CAMK2B: variants seen among roughly 807,000 people sequenced by gnomAD.
The protein encoded by CAMK2B is calcium/calmodulin-dependent protein kinase type II subunit beta.
Under a neutral mutation model 93.7 loss-of-function variants are expected in CAMK2B, and 27 were observed. The ratio of observed to expected loss-of-function variants is 0.29; its 90% CI spans 0.21 to 0.40. CAMK2B has a LOEUF of 0.40. Ranked by LOEUF, CAMK2B falls within the 10% of genes least tolerant of loss-of-function variation. The probability of loss-of-function intolerance (pLI) is 1.00; values close to 1 mark genes in which losing one functional copy is unlikely to be tolerated. For synonymous variants in CAMK2B, 374 were observed against 358.8 expected (o/e 1.04, Z -0.48); for missense variants, 568 against 895.8 (o/e 0.63, Z 4.67).
At chr7:44,305,775 G>A (rs530675334) in intron 1 of CAMK2B, among the ~76,000 whole-genome samples, 2 of 152,212 alleles carry the variant, frequency 1.3e-5, no homozygotes, top group Admixed American at 1.3e-4. Context: ...ACTCGGTCAC[G>A]CTGGCTGGGC....
intron 1 of CAMK2B, among the ~76,000 whole-genome samples, chr7:44,301,030 G>A (rs1789855599): frequency 6.6e-6 from 1 of 152,012 alleles, no homozygotes; most frequent in Admixed American, 6.5e-5. Flanking sequence ...ATGACACACA[G>A]ACAAAAGAAA....
chr7:44,252,526 G>T (rs1234498401), intron 5 of CAMK2B, among the ~76,000 whole-genome samples: 2 of 135,568 alleles, frequency 1.5e-5, no homozygotes, highest in Non-Finnish European at 3.2e-5. Flanking sequence ...CTGTGATGGG[G>T]CACGGGCAGG....
At position 44,312,198 on chromosome 7, in the gene CAMK2B, C is replaced by T. The variant is rs1793733266; in HGVS notation, c.65+13159G>A. Among the ~76,000 whole-genome samples the T allele has an allele frequency of 6.6e-6, 1 of 152,136 alleles. No homozygotes were observed. Among genetic ancestry groups the T allele is most frequent in the South Asian group, 2.1e-4 (1 of 4,832 alleles). Reference sequence around the variant, plus strand: ...ACTCCAGAGCCTCCATCCTTGGTGCCAGAAAGTGGAGGTGAGTGGAATTTA... The same window carrying T: ...ACTCCAGAGCCTCCATCCTTGGTGCTAGAAAGTGGAGGTGAGTGGAATTTA... On this transcript the variant is annotated intron_variant, in intron 1 of 23. Transcript: ENST00000395749. This position sits in a 1 kb window ranked among gnomAD's most constrained non-coding sequence, Gnocchi z 4.1.
chr7:44,292,697 C>T (rs912642556), intron 1 of CAMK2B, among the ~76,000 whole-genome samples: 2 of 152,102 alleles, frequency 1.3e-5, no homozygotes, highest in Non-Finnish European at 2.9e-5. Context: ...CCTATTTGAC[C>T]ATAGAAATCT....
intron 19 of CAMK2B, among the ~76,000 whole-genome samples, chr7:44,227,877 A>G (rs1232039954): frequency 2.2e-5 from 2 of 91,242 alleles, no homozygotes; most frequent in Admixed American, 2.6e-4. Flanking sequence ...AATTTGGGGG[A>G]CAGAGGGGGA....
At position 44,256,802 on chromosome 7, in the gene CAMK2B, C is replaced by T. The variant is rs1214057949; in HGVS notation, c.275+2070G>A. ...TGGTGTGCTCTGTGTGCTCAGGAAGCTGTAGTTTGGGCTGGTGGGCACCTG... is the reference window on the plus strand; with the variant it reads ...TGGTGTGCTCTGTGTGCTCAGGAAGTTGTAGTTTGGGCTGGTGGGCACCTG... On this transcript the variant is annotated intron_variant, in intron 4 of 23. Transcript: ENST00000395749. Among the ~76,000 whole-genome samples the T allele has an allele frequency of 2.0e-5, 3 of 152,182 alleles. No homozygotes were observed. In the East Asian group the frequency reaches 5.8e-4, roughly 29 times the overall value.
chr7:44,273,310 T>C (rs1245256484), intron 2 of CAMK2B, among the ~76,000 whole-genome samples: 1 of 152,102 alleles, frequency 6.6e-6, no homozygotes. Context: ...GCTCTGAGTA[T>C]ATGTGACAAT....
chr7:44,236,240 A>G (rs922830744), intron 13 of CAMK2B, among the ~76,000 whole-genome samples: 5 of 152,126 alleles, frequency 3.3e-5, no homozygotes, highest in African/African-American at 1.2e-4. Context: ...TGCCTCCTCC[A>G]TGGCTCTGGC....
intron 3 of CAMK2B, among the ~76,000 whole-genome samples, chr7:44,261,361 C>T (rs1209794736): frequency 6.6e-6 from 1 of 152,256 alleles, no homozygotes; most frequent in East Asian, 1.9e-4. Context: ...GAGATGCCCC[C>T]CGCAGAACCC....
chr7:44,220,911 G>A lies in CAMK2B; in HGVS notation c.1598-10C>T. On this transcript the variant is annotated splice_polypyrimidine_tract_variant and intron_variant, in intron 20 of 23. Coordinates refer to ENST00000395749, the MANE Select transcript of CAMK2B (RefSeq NM_001220.5). ...ATCTCCTGCTTCCGGGCTGTGGGGAGACATGGCCAGGTGACCACTGGGCGC... is the reference window on the plus strand; with the variant it reads ...ATCTCCTGCTTCCGGGCTGTGGGGAAACATGGCCAGGTGACCACTGGGCGC... 6.4e-7 allele frequency: 1 copy of A among 1,558,242 alleles called. No individual in the cohort carries two copies. Among genetic ancestry groups the A allele is most frequent in the Non-Finnish European group, 8.7e-7 (1 of 1,150,276 alleles).
At chr7:44,232,282 G>A (rs1329070375) in intron 16 of CAMK2B, among the ~76,000 whole-genome samples, 1 of 152,174 alleles carries the variant, frequency 6.6e-6, no homozygotes, top group Non-Finnish European at 1.5e-5. Context: ...TGTTTTGGAA[G>A]TCCTGGAAAT....
intron 2 of CAMK2B, 42 bp downstream of exon 2, chr7:44,284,089 C>T: frequency 2.0e-6 from 3 of 1,486,806 alleles, no homozygotes; most frequent in African/African-American, 1.4e-5. Flanking sequence ...AGCCCCTGCC[C>T]CAGCCTGACA....
chr7:44,228,669 G>A (rs1406970283), intron 19 of CAMK2B, 127 bp downstream of exon 19: 2 of 875,410 alleles, frequency 2.3e-6, no homozygotes, highest in Non-Finnish European at 3.2e-6. Context: ...GCCAGGGCAG[G>A]ACTCCAGGCT....
intron 4 of CAMK2B, among the ~76,000 whole-genome samples, chr7:44,255,929 A>G (rs994677321): frequency 2.4e-4 from 36 of 152,182 alleles, no homozygotes; most frequent in African/African-American, 7.7e-4. Flanking sequence ...CTGGGAAGAC[A>G]CCCAAGTCCC....
chr7:44,254,689 CCAT>C (rs926422587), intron 4 of CAMK2B, 82 bp from the exon 5 acceptor site: 5 of 870,584 alleles, frequency 5.7e-6, no homozygotes, highest in African/African-American at 5.1e-5. Flanking sequence ...ACCACCACCA[CCAT>C]CACCACTATC....
chr7:44,243,627 G>T, intron 6 of CAMK2B, 100 bp from the exon 7 acceptor site: 1 of 898,018 alleles, frequency 1.1e-6, no homozygotes, highest in Non-Finnish European at 1.8e-6. Flanking sequence ...ACAGTGGTTT[G>T]CAAGAGACAG....
In CAMK2B at chr7:44,225,258, G is replaced by A. The variant is rs2096460961; in HGVS notation, c.1597+1258C>T. 6.6e-6 allele frequency among the ~76,000 whole-genome samples: 1 copy of A among 152,138 alleles called. No homozygotes were observed. Among genetic ancestry groups the A allele is most frequent in the Non-Finnish European group, 1.5e-5 (1 of 68,012 alleles). ...GGTGACCTTCCAGGCAGGCTCCTTT[G>A]GGCACACCCCTCCACTTCTGCAAGG... On this transcript the variant is annotated intron_variant, in intron 20 of 23. Coordinates refer to ENST00000395749, the MANE Select transcript of CAMK2B (RefSeq NM_001220.5). The surrounding 1 kb of genome is among the most constrained non-coding windows in gnomAD (Gnocchi z 5.0).
At chr7:44,235,936 C>T (rs961999131) in intron 13 of CAMK2B, among the ~76,000 whole-genome samples, 2 of 152,218 alleles carry the variant, frequency 1.3e-5, no homozygotes, top group Admixed American at 1.3e-4. Flanking sequence ...CAGACAGGCA[C>T]GTTTCAACCT....
intron 2 of CAMK2B, among the ~76,000 whole-genome samples, chr7:44,269,793 C>T (rs544522021): frequency 2.0e-5 from 3 of 152,180 alleles, no homozygotes; most frequent in East Asian, 1.9e-4. Flanking sequence ...ACCCAGAGAC[C>T]GAGAGGAGGC....
Sources: allele counts gnomAD v4.1 joint callset (sites outside exome capture counted in the v4.1 genomes callset), GRCh38; gene constraint gnomAD v4.1.1; non-coding constraint Gnocchi (gnomAD v3.1); transcripts MANE v1.5; gene names NCBI Gene and HGNC (gene_info 2026-07-23, HGNC 2026-07-21).